SLC7A7: variants seen among roughly 807,000 people sequenced by gnomAD.
SLC7A7 encodes Y+L amino acid transporter 1.
In SLC7A7, 39 loss-of-function variants were observed where a neutral mutation model predicts 47.9. That is an observed-to-expected ratio of 0.81 (90% CI 0.63 to 1.06). The LOEUF (loss-of-function observed/expected upper bound fraction) is 1.06. Among genes scored for constraint, SLC7A7 ranks in the 50% least tolerant of loss-of-function variants. SLC7A7 has a pLI of 0.00. For missense variants in SLC7A7, 588 were observed against 632.0 expected, an observed-to-expected ratio of 0.93 and a Z score of 0.75; for synonymous variants, 234 against 242.8, an observed-to-expected ratio of 0.96 and a Z score of 0.34.
chr14:22,812,969 C>A lies in SLC7A7; in HGVS notation c.430G>T (p.Val144Leu). The A allele has an allele frequency of 1.2e-6, 2 of 1,613,872 alleles. No homozygotes were observed. Among genetic ancestry groups the A allele is most frequent in the South Asian group, 2.2e-5 (2 of 91,064 alleles). ...AAGCAGCTCGGGAAGAGAGGCTGTA[C>A]CATGTAGTTGGCAAAGGTGATGGCA... is the stretch of plus-strand genomic sequence containing the variant. Reference protein sequence around the residue: ...IIAITFANYMVQPLFPSCFAP... With the variant: ...IIAITFANYMLQPLFPSCFAP... Residue 144 changes from valine to leucine, a missense_variant, in exon 2 of 10, where the codon GTA becomes TTA. By Grantham distance (32) the Val-to-Leu change is conservative. Coordinates refer to ENST00000674313, the MANE Select transcript of SLC7A7 (RefSeq NM_003982.4).
chr14:22,817,298 T>G (rs1033743971), upstream of SLC7A7: 4 of 257,720 alleles, frequency 1.6e-5, no homozygotes, highest in Non-Finnish European at 3.1e-5. Flanking sequence ...CCTGGCTAAT[T>G]TTTGTGTTTT....
chr14:22,773,819 G>A (rs911279436), intron 9 of SLC7A7, 103 bp from the exon 10 acceptor site: 226 of 1,547,922 alleles, frequency 1.5e-4, no homozygotes, highest in Middle Eastern at 6.3e-4. Context: ...CCACTAAGCC[G>A]AAGGGTTCAT....
chr14:22,797,526 A>G (rs2039039680), intron 2 of SLC7A7, among the ~76,000 whole-genome samples: 1 of 152,146 alleles, frequency 6.6e-6, no homozygotes. Context: ...GACATTGACA[A>G]TTACAAGAAT....
intron 3 of SLC7A7, among the ~76,000 whole-genome samples, chr14:22,779,142 G>T (rs2139395468): frequency 6.6e-6 from 1 of 152,344 alleles, no homozygotes; most frequent in South Asian, 2.1e-4. Context: ...GCATCCTAAT[G>T]ACATAGATGG....
At chr14:22,796,012 G>T in intron 2 of SLC7A7, among the ~76,000 whole-genome samples, 1 of 152,190 alleles carries the variant, frequency 6.6e-6, no homozygotes, top group East Asian at 1.9e-4. Flanking sequence ...TCAAGAGTTT[G>T]TTCCAAAGTT....
At chr14:22,808,125 C>G (rs1471119414) in intron 2 of SLC7A7, among the ~76,000 whole-genome samples, 4 of 151,440 alleles carry the variant, frequency 2.6e-5, no homozygotes, top group African/African-American at 9.7e-5. Context: ...GATCACACCA[C>G]TGCACTCCAG....
chr14:22,811,890 C>T (rs1477437127), intron 2 of SLC7A7, among the ~76,000 whole-genome samples: 1 of 147,118 alleles, frequency 6.8e-6, no homozygotes, highest in Non-Finnish European at 1.5e-5. Flanking sequence ...TACAGAAATA[C>T]TCATGCAGCT....
At chr14:22,804,578 G>C (rs2039169212) in intron 2 of SLC7A7, among the ~76,000 whole-genome samples, 1 of 152,148 alleles carries the variant, frequency 6.6e-6, no homozygotes, top group Non-Finnish European at 1.5e-5. Context: ...CTTCTCAAAA[G>C]AGGACATTCA....
intron 2 of SLC7A7, among the ~76,000 whole-genome samples, chr14:22,783,719 T>G (rs1412522211): frequency 6.6e-6 from 1 of 151,932 alleles, no homozygotes; most frequent in African/African-American, 2.4e-5. Context: ...TCTTCTCTAC[T>G]TCTCTATCCA....
At chr14:22,781,466 TG>T (rs1246433233) in intron 2 of SLC7A7, among the ~76,000 whole-genome samples, 1 of 152,198 alleles carries the variant, frequency 6.6e-6, no homozygotes, top group African/African-American at 2.4e-5. Flanking sequence ...GGCACATTCC[TG>T]TCCTATATAA....
rs376853890 is a variant in SLC7A7 at position 22,812,921 on chromosome 14, G to C, written c.478C>G (p.Leu160Val). The change falls in exon 2 of 10, where the codon CTG (leucine) becomes GTG (valine). Residue 160 changes from leucine (L) to valine (V), a missense_variant. Physicochemically the swap from Leu to Val is conservative, Grantham distance 32. Coordinates refer to ENST00000674313, the MANE Select transcript of SLC7A7 (RefSeq NM_003982.4). The stretch of plus-strand genomic sequence containing the variant: ...TTACAAATGCAGGCAGCAGCCAGCA[G>C]GCGGCTGGCAGCATAAGGGGCGAAG... Reference protein sequence around the residue: ...SCFAPYAASRLLAAACICLLT... With the variant: ...SCFAPYAASRVLAAACICLLT... 2 of 1,613,670 alleles carry C rather than the reference G, an allele frequency of 1.2e-6. No individual in the cohort carries two copies. The highest frequency in any genetic ancestry group is 1.7e-6 in the Non-Finnish European group (2 of 1,179,990).
upstream of SLC7A7, among the ~76,000 whole-genome samples, chr14:22,817,585 C>T (rs1487725007): frequency 1.3e-5 from 2 of 152,204 alleles, no homozygotes; most frequent in African/African-American, 4.8e-5. Context: ...AGGCAATCCG[C>T]CCACCTCGGC....
chr14:22,785,882 T>G (rs1050752056), intron 2 of SLC7A7, among the ~76,000 whole-genome samples: 1 of 150,802 alleles, frequency 6.6e-6, no homozygotes, highest in African/African-American at 2.4e-5. Context: ...ATTAGCCGGG[T>G]GTGGTGGCAG....
intron 1 of SLC7A7, 21 bp from the exon 2 acceptor site, chr14:22,813,461 G>GGCAC: frequency 6.3e-7 from 1 of 1,594,228 alleles, no homozygotes; most frequent in Non-Finnish European, 8.5e-7. Context: ...GAAAGATGAT[G>GGCAC]CTATAGATTA....
In SLC7A7 at chr14:22,779,465, T is replaced by G. The variant is rs867482260; in HGVS notation, c.625+461A>C. On this transcript the variant is annotated intron_variant, in intron 3 of 9. Transcript: ENST00000674313. ...CAAGATATTTAATTCTTTTTTTTTTTTGGGGGGGGGACAGAGTCTCGCTCT... is the reference window on the plus strand; with the variant it reads ...CAAGATATTTAATTCTTTTTTTTTTGTGGGGGGGGGACAGAGTCTCGCTCT... Among the ~76,000 whole-genome samples, 212 of 109,176 alleles carry G rather than the reference T, an allele frequency of 1.9e-3. 1 individual carries two copies. Among genetic ancestry groups the G allele is most frequent in the African/African-American group, 4.9e-3 (159 of 32,684 alleles). 71.6% of individuals were successfully genotyped at this position (109,176 alleles called of 152,430 possible). A position where few individuals can be genotyped will look rare whatever the true frequency, so the allele number is the denominator to read the frequency against.
intron 2 of SLC7A7, among the ~76,000 whole-genome samples, chr14:22,803,300 C>T (rs1247267579): frequency 6.6e-6 from 1 of 151,808 alleles, no homozygotes; most frequent in East Asian, 1.9e-4. Flanking sequence ...CGCCTGTAAT[C>T]CCATCTACAC....
At chr14:22,815,809 C>T (rs1226248110), upstream of SLC7A7, 1 of 394,868 alleles carries the variant, frequency 2.5e-6, no homozygotes, top group South Asian at 1.8e-5. Context: ...CATGCCCCAC[C>T]CTAGCCTCTC....
At position 22,813,221 on chromosome 14, in the gene SLC7A7, T is replaced by G; in HGVS notation, c.178A>C (p.Lys60Gln). The change falls in exon 2 of 10, where the codon AAG becomes CAG. Residue 60 changes from lysine to glutamine, a missense_variant. Lys to Gln is a moderately conservative substitution (Grantham distance 53). Transcript: ENST00000674313. ...GAGGCACTGTATATGAGCACACCCT[T>G]GGGGGAAACAAAGATGCCCGAGCCG... ...MIGSGIFVSP[K>Q]GVLIYSASFG... The G allele has an allele frequency of 6.2e-7, 1 of 1,613,904 alleles. No homozygotes were observed. Among genetic ancestry groups the G allele is most frequent in the Non-Finnish European group, 8.5e-7 (1 of 1,179,854 alleles).
In SLC7A7 at chr14:22,773,679, T is replaced by A. The variant is rs2139382160; in HGVS notation, c.1467A>T (p.Ser489=). ...CTTCCAAATCCATTTCTGCAGCAACTGACATACACAGGACCTGGAGGTACC... is the reference window on the plus strand; with the variant it reads ...CTTCCAAATCCATTTCTGCAGCAACAGACATACACAGGACCTGGAGGTACC... ...ATRYLQVLCM[S]VAAEMDLEDG... The change falls in exon 10 of 10, where the codon TCA becomes TCT. Residue 489 remains serine, a synonymous_variant. Transcript: ENST00000674313. 1.2e-6 allele frequency: 2 copies of A among 1,614,178 alleles called. No homozygotes were observed. The highest frequency in any genetic ancestry group is 2.2e-5 in the South Asian group (2 of 91,088).
Sources: gnomAD v4.1 joint callset for allele counts (sites outside exome capture counted in the v4.1 genomes callset) on GRCh38, gnomAD v4.1.1 for gene constraint, MANE v1.5 for transcripts, NCBI Gene and HGNC (gene_info 2026-07-23, HGNC 2026-07-21) for gene names.